Variants in CADM2 observed in about 807,000 individuals in gnomAD.
CADM2 encodes the protein immunoglobulin superfamily member 4D.
CADM2 carries 12 observed loss-of-function variants against 49.8 expected under a neutral mutation model. The observed-to-expected ratio is 0.24, with a 90% CI of 0.15 to 0.39. The LOEUF (loss-of-function observed/expected upper bound fraction) is 0.39. Among genes scored for constraint, CADM2 ranks in the 10% least tolerant of loss-of-function variants. CADM2 has a pLI of 1.00. For missense variants in CADM2, 378 were observed against 492.3 expected, an observed-to-expected ratio of 0.77 and a Z score of 2.20; for synonymous variants, 214 against 175.4, an observed-to-expected ratio of 1.22 and a Z score of -1.74.
intron 3 of CADM2, among the ~76,000 whole-genome samples, chr3:85,854,834 C>A (rs971877428): frequency 2.6e-5 from 4 of 151,920 alleles, no homozygotes; most frequent in Non-Finnish European, 5.9e-5. Flanking sequence ...TGTCATGTCT[C>A]TAACTCAGAT....
intron 1 of CADM2, among the ~76,000 whole-genome samples, chr3:85,199,760 G>C (rs927645994): frequency 5.9e-5 from 9 of 151,770 alleles, no homozygotes; most frequent in Admixed American, 5.9e-4. Context: ...AATTAAGTGG[G>C]GAAAACAAAC....
At chr3:85,242,414 C>T (rs531604911) in intron 1 of CADM2, among the ~76,000 whole-genome samples, 11 of 151,496 alleles carry the variant, frequency 7.3e-5, no homozygotes, top group African/African-American at 2.2e-4. Context: ...TTAAAAAGAG[C>T]ATCATGAAAT....
intron 3 of CADM2, among the ~76,000 whole-genome samples, chr3:85,815,858 G>T (rs2073172163): frequency 6.6e-6 from 1 of 152,108 alleles, no homozygotes; most frequent in East Asian, 1.9e-4. Context: ...CATCATCTCA[G>T]CCTGAAATCT....
intron 1 of CADM2, among the ~76,000 whole-genome samples, chr3:85,047,870 C>A (rs1393052760): frequency 6.6e-6 from 1 of 152,082 alleles, no homozygotes; most frequent in Non-Finnish European, 1.5e-5. Flanking sequence ...TCAAACAAAG[C>A]AGAAGACTTT....
chr3:85,024,804 C>G (rs1172032982), intron 1 of CADM2, among the ~76,000 whole-genome samples: 1 of 151,732 alleles, frequency 6.6e-6, no homozygotes, highest in Non-Finnish European at 1.5e-5. Context: ...ACATAAATAA[C>G]TGTTTGATTC....
At chr3:85,524,461 C>T (rs1018984021) in intron 1 of CADM2, among the ~76,000 whole-genome samples, 2 of 151,980 alleles carry the variant, frequency 1.3e-5, no homozygotes, top group African/African-American at 4.8e-5. Context: ...TTGGATATTA[C>T]TAAAAAACTT....
chr3:85,915,874 T>C (rs1276685431), intron 6 of CADM2, among the ~76,000 whole-genome samples: 1 of 152,140 alleles, frequency 6.6e-6, no homozygotes, highest in Non-Finnish European at 1.5e-5. Flanking sequence ...AGTAAATATA[T>C]ATTCCTACAA....
At chr3:85,636,537 T>A (rs984599112) in intron 1 of CADM2, among the ~76,000 whole-genome samples, 1 of 152,008 alleles carries the variant, frequency 6.6e-6, no homozygotes, top group Non-Finnish European at 1.5e-5. Context: ...ATTTAAAAAA[T>A]AAAATTAGTG....
chr3:85,877,861 G>A lies in CADM2; in HGVS notation c.239-5430G>A, dbSNP rs558082010. 1.9e-4 allele frequency among the ~76,000 whole-genome samples: 29 copies of A among 152,050 alleles called. No individual in the cohort carries two copies. The South Asian group carries it at 5.6e-3, about 29-fold the overall frequency. ...CTACTCACTGAATGCCTACTGTGTAGATAGCTATAGCTCAGGGTGCTGAAA... is the reference window on the plus strand; with the variant it reads ...CTACTCACTGAATGCCTACTGTGTAAATAGCTATAGCTCAGGGTGCTGAAA... On this transcript the variant is annotated intron_variant, in intron 3 of 9. Transcript: ENST00000383699.
At chr3:84,982,410 A>G (rs1221996741) in intron 1 of CADM2, among the ~76,000 whole-genome samples, 1 of 152,000 alleles carries the variant, frequency 6.6e-6, no homozygotes, top group East Asian at 1.9e-4. Flanking sequence ...CTATATCAAC[A>G]TAAACTAAAT....
chr3:85,206,787 A>G (rs1267122294), intron 1 of CADM2, among the ~76,000 whole-genome samples: 3 of 152,092 alleles, frequency 2.0e-5, no homozygotes, highest in Non-Finnish European at 2.9e-5. Flanking sequence ...ATACATTTAT[A>G]TCTTTTTATG....
intron 5 of CADM2, among the ~76,000 whole-genome samples, chr3:85,891,312 G>A (rs1181855722): frequency 1.3e-5 from 2 of 152,124 alleles, no homozygotes; most frequent in Admixed American, 1.3e-4. Context: ...GTTTAGTTCT[G>A]TGCAGTTTGA....
chr3:85,889,427 C>T (rs1714118433), intron 5 of CADM2, among the ~76,000 whole-genome samples: 1 of 152,132 alleles, frequency 6.6e-6, no homozygotes, highest in Non-Finnish European at 1.5e-5. Context: ...GGAGCAGGCC[C>T]ACGGGGGAGC....
intron 1 of CADM2, among the ~76,000 whole-genome samples, chr3:85,219,559 C>T (rs994724188): frequency 2.0e-5 from 3 of 152,030 alleles, no homozygotes; most frequent in Non-Finnish European, 4.4e-5. Context: ...TCAAAGAAAG[C>T]TAATACAGTG....
intron 1 of CADM2, among the ~76,000 whole-genome samples, chr3:85,332,457 G>T (rs1379899748): frequency 6.6e-6 from 1 of 151,934 alleles, no homozygotes. Flanking sequence ...AATAGTGATG[G>T]CACAGATTCC....
intron 1 of CADM2, among the ~76,000 whole-genome samples, chr3:85,220,284 T>A (rs963226280): frequency 1.3e-5 from 2 of 152,116 alleles, no homozygotes; most frequent in Non-Finnish European, 2.9e-5. Flanking sequence ...CCAATTTTGA[T>A]GGTGATATTC....
chr3:85,926,475 C>A (rs2108515715), intron 6 of CADM2, among the ~76,000 whole-genome samples: 1 of 152,196 alleles, frequency 6.6e-6, no homozygotes, highest in Admixed American at 6.5e-5. Flanking sequence ...TGAGTTAGTG[C>A]ATTGTCTTCT....
chr3:85,601,118 T>TTA (rs1283647139), intron 1 of CADM2, among the ~76,000 whole-genome samples: 7 of 85,190 alleles, frequency 8.2e-5, no homozygotes, highest in Admixed American at 1.7e-4. Flanking sequence ...TACTGTGCAT[T>TTA]TATATATGTG....
At chr3:85,088,729 A>G (rs2037478750) in intron 1 of CADM2, among the ~76,000 whole-genome samples, 1 of 152,168 alleles carries the variant, frequency 6.6e-6, no homozygotes, top group African/African-American at 2.4e-5. Flanking sequence ...TAACAAAACT[A>G]AGATACACTG....
Sources: gnomAD v4.1 joint callset for allele counts (sites outside exome capture counted in the v4.1 genomes callset) on GRCh38, gnomAD v4.1.1 for gene constraint, MANE v1.5 for transcripts, NCBI Gene and HGNC (gene_info 2026-07-23, HGNC 2026-07-21) for gene names.